Variants in TRAPPC13 observed in about 807,000 individuals in gnomAD.
TRAPPC13 encodes the protein REV7-interacting novel NHEJ regulator 1.
Under a neutral mutation model 54.0 loss-of-function variants are expected in TRAPPC13, and 39 were observed. The observed-to-expected ratio is 0.72, with a 90% CI of 0.56 to 0.94. The LOEUF (loss-of-function observed/expected upper bound fraction) is 0.94. Among genes scored for constraint, TRAPPC13 ranks in the 40% least tolerant of loss-of-function variants. The pLI, the probability that TRAPPC13 is intolerant of heterozygous loss-of-function variation, is 0.00. For missense variants in TRAPPC13, 386 were observed against 488.1 expected, an observed-to-expected ratio of 0.79 and a Z score of 1.97; for synonymous variants, 148 against 167.7, an observed-to-expected ratio of 0.88 and a Z score of 0.91.
chr5:65,654,982 TG>T (rs1020238225), intron 7 of TRAPPC13, among the ~76,000 whole-genome samples: 6 of 152,332 alleles, frequency 3.9e-5, no homozygotes, highest in African/African-American at 1.2e-4. Context: ...TAACACATCC[TG>T]GGTACCTAGA....
At chr5:65,626,560 AC>A (rs1755241702) in intron 1 of TRAPPC13, among the ~76,000 whole-genome samples, 1 of 152,002 alleles carries the variant, frequency 6.6e-6, no homozygotes, top group South Asian at 2.1e-4. Context: ...ACATAGTGAA[AC>A]CCCGTCTCTA....
At chr5:65,657,626 A>G (rs1217492509) in intron 8 of TRAPPC13, among the ~76,000 whole-genome samples, 1 of 152,238 alleles carries the variant, frequency 6.6e-6, no homozygotes, top group Non-Finnish European at 1.5e-5. Context: ...GAATTAATTT[A>G]TCTAAATTTA....
intron 11 of TRAPPC13, 174 bp from the exon 12 acceptor site, chr5:65,664,063 A>T (rs1030580597): frequency 3.1e-6 from 2 of 648,074 alleles, no homozygotes; most frequent in Admixed American, 3.3e-5. Context: ...ACTTCCTTTC[A>T]TCTTCCTGGT....
chr5:65,657,365 G>C (rs1756694321), intron 8 of TRAPPC13, among the ~76,000 whole-genome samples: 1 of 152,128 alleles, frequency 6.6e-6, no homozygotes, highest in Non-Finnish European at 1.5e-5. Context: ...CTGGGTGACA[G>C]AATGAGACTG....
chr5:65,628,916 C>G (rs896914240), intron 1 of TRAPPC13, among the ~76,000 whole-genome samples: 2 of 151,766 alleles, frequency 1.3e-5, no homozygotes, highest in Non-Finnish European at 2.9e-5. Context: ...CTCCCAGGTT[C>G]AAGCTATTCT....
intron 4 of TRAPPC13, among the ~76,000 whole-genome samples, chr5:65,642,046 G>A (rs1755988834): frequency 6.6e-6 from 1 of 151,980 alleles, no homozygotes; most frequent in Non-Finnish European, 1.5e-5. Context: ...CTGTTGGCCG[G>A]GTGCAGTGGC....
chr5:65,652,806 C>T (rs371117900), intron 7 of TRAPPC13: 127 of 457,212 alleles, frequency 2.8e-4, no homozygotes, highest in South Asian at 2.7e-3. Context: ...TAAATGATTG[C>T]CCTCTCATTC....
chr5:65,650,994 T>C (rs1020359059), intron 6 of TRAPPC13, 112 bp downstream of exon 6: 2 of 752,578 alleles, frequency 2.7e-6, no homozygotes, highest in South Asian at 3.5e-5. Context: ...AGCAAATAGC[T>C]CAATATTTTT....
chr5:65,640,611 T>C (rs930309122), intron 4 of TRAPPC13, among the ~76,000 whole-genome samples: 1 of 152,242 alleles, frequency 6.6e-6, no homozygotes, highest in East Asian at 1.9e-4. Context: ...TTTTCAAAAG[T>C]TTGAGAACAT....
intron 4 of TRAPPC13, among the ~76,000 whole-genome samples, chr5:65,644,574 A>T (rs2150676780): frequency 6.6e-6 from 1 of 152,246 alleles, no homozygotes; most frequent in South Asian, 2.1e-4. Flanking sequence ...TTTTTTCTCT[A>T]ATTTCAAAAA....
intron 6 of TRAPPC13, 49 bp downstream of exon 6, chr5:65,650,931 T>G: frequency 1.5e-6 from 2 of 1,333,520 alleles, no homozygotes; most frequent in Non-Finnish European, 2.1e-6. Flanking sequence ...TTTTTCTTCC[T>G]GGTAGTATAC....
intron 9 of TRAPPC13, 26 bp from the exon 10 acceptor site, chr5:65,660,673 T>C: frequency 4.6e-6 from 7 of 1,535,482 alleles, no homozygotes; most frequent in Non-Finnish European, 6.1e-6. Context: ...GAGAATTTTC[T>C]CCGTCTCTGT....
chr5:65,638,931 G>A (rs1215459256), intron 4 of TRAPPC13, among the ~76,000 whole-genome samples: 3 of 152,018 alleles, frequency 2.0e-5, no homozygotes, highest in African/African-American at 7.2e-5. Context: ...TAAAAATACA[G>A]AAATTAGCCA....
At position 65,625,107 on chromosome 5, in the gene TRAPPC13, G is replaced by C; in HGVS notation, c.46+1G>C. 6.2e-7 allele frequency: 1 copy of C among 1,613,252 alleles called. No homozygotes were observed. On this transcript the variant is annotated splice_donor_variant, in intron 1 of 12. Coordinates refer to ENST00000399438, the MANE Select transcript of TRAPPC13 (RefSeq NM_024941.4). LOFTEE classifies it high-confidence loss of function. The stretch of plus-strand genomic sequence containing the variant: ...CAGGAGCACCTGCTGGCGCTAAAAG[G>C]TAAACTTTTGCGAACCTGATTCCCC...
At chr5:65,658,689 T>G (rs533037939) in intron 9 of TRAPPC13, among the ~76,000 whole-genome samples, 188 bp downstream of exon 9, 7 of 143,504 alleles carry the variant, frequency 4.9e-5, no homozygotes, top group African/African-American at 1.8e-4. Context: ...CTCTTGTTAT[T>G]TACGTCTTGT....
At chr5:65,630,897 T>C (rs1755519340) in intron 1 of TRAPPC13, 2 of 159,508 alleles carry the variant, frequency 1.3e-5, no homozygotes, top group Admixed American at 1.3e-4. Flanking sequence ...AATGATTGTT[T>C]ATTTCTTCTA....
intron 4 of TRAPPC13, among the ~76,000 whole-genome samples, chr5:65,639,340 A>T (rs565095921): frequency 6.6e-6 from 1 of 151,874 alleles, no homozygotes; most frequent in East Asian, 1.9e-4. Context: ...ATTATTTTTT[A>T]AAATGGACAA....
intron 3 of TRAPPC13, among the ~76,000 whole-genome samples, chr5:65,637,412 A>G (rs1755789867): frequency 6.6e-6 from 1 of 152,252 alleles, no homozygotes; most frequent in Admixed American, 6.5e-5. Context: ...CGGGCGGATC[A>G]TGAGATCAGG....
At chr5:65,644,317 C>T (rs970304924) in intron 4 of TRAPPC13, among the ~76,000 whole-genome samples, 2 of 152,128 alleles carry the variant, frequency 1.3e-5, no homozygotes, top group Non-Finnish European at 2.9e-5. Context: ...GCTGGGATTA[C>T]AGGAAACTGC....
Sources: allele counts gnomAD v4.1 joint callset (sites outside exome capture counted in the v4.1 genomes callset), GRCh38; gene constraint gnomAD v4.1.1; transcripts MANE v1.5; gene names NCBI Gene and HGNC (gene_info 2026-07-23, HGNC 2026-07-21).